Variants in SUSD1 observed in about 807,000 individuals in gnomAD.
The protein encoded by SUSD1 is sushi domain containing 1, also known as sushi domain-containing protein 1.
In SUSD1, 65 loss-of-function variants were observed where a neutral mutation model predicts 86.9. That is an observed-to-expected ratio of 0.75 (90% CI 0.61 to 0.92). The LOEUF is 0.92. Ranked by LOEUF, SUSD1 falls within the 40% of genes least tolerant of loss-of-function variation. The pLI, the probability that SUSD1 is intolerant of heterozygous loss-of-function variation, is 0.00. For missense variants in SUSD1, 850 were observed against 929.7 expected, an observed-to-expected ratio of 0.91 and a Z score of 1.11; for synonymous variants, 346 against 350.0, an observed-to-expected ratio of 0.99 and a Z score of 0.13.
chr9:112,106,079 TC>T (rs1830827336), intron 8 of SUSD1, among the ~76,000 whole-genome samples: 1 of 152,136 alleles, frequency 6.6e-6, no homozygotes, highest in African/African-American at 2.4e-5. Flanking sequence ...AAGCTCTGCC[TC>T]CCATGTTCAA....
At chr9:112,097,444 G>A (rs1257460052) in intron 10 of SUSD1, among the ~76,000 whole-genome samples, 2 of 129,962 alleles carry the variant, frequency 1.5e-5, no homozygotes, top group Non-Finnish European at 3.1e-5. Flanking sequence ...TGTTGCCCAA[G>A]CTAGAGTGCA....
intron 11 of SUSD1, among the ~76,000 whole-genome samples, chr9:112,079,473 T>G (rs1829671271): frequency 6.6e-6 from 1 of 152,034 alleles, no homozygotes; most frequent in Non-Finnish European, 1.5e-5. Flanking sequence ...CTGAGAACAG[T>G]TTTTCTCCTC....
chr9:112,115,814 A>AAAAAAAAAAG (rs1554766264), intron 6 of SUSD1, among the ~76,000 whole-genome samples: 36 of 19,240 alleles, frequency 1.9e-3, no homozygotes, highest in African/African-American at 6.7e-3. Context: ...ATTGCAAAAA[A>AAAAAAAAAAG]AAAAAAAAAG....
chr9:112,060,103 C>T (rs1057334913), intron 13 of SUSD1, among the ~76,000 whole-genome samples: 1 of 152,130 alleles, frequency 6.6e-6, no homozygotes, highest in Admixed American at 6.5e-5. Flanking sequence ...GAACTTCCTG[C>T]TTCACATGTC....
intron 2 of SUSD1, among the ~76,000 whole-genome samples, chr9:112,154,979 G>A (rs1207254077): frequency 7.9e-5 from 12 of 152,010 alleles, no homozygotes; most frequent in African/African-American, 2.2e-4. Flanking sequence ...GGCCAGGTGC[G>A]GTGGCTCACG....
intron 5 of SUSD1, among the ~76,000 whole-genome samples, chr9:112,134,734 GC>G (rs1037392819): frequency 1.3e-5 from 2 of 151,092 alleles, no homozygotes; most frequent in Non-Finnish European, 2.9e-5. Flanking sequence ...TTGCACATGT[GC>G]CCCCTGAATC....
At chr9:112,080,409 C>T (rs1007639374) in intron 10 of SUSD1, among the ~76,000 whole-genome samples, 3 of 151,948 alleles carry the variant, frequency 2.0e-5, no homozygotes, top group Non-Finnish European at 2.9e-5. Context: ...TTGAGTGGGC[C>T]GGGCACAGTG....
At chr9:112,059,783 A>C (rs1422178126) in intron 13 of SUSD1, among the ~76,000 whole-genome samples, 5 of 152,186 alleles carry the variant, frequency 3.3e-5, no homozygotes, top group Non-Finnish European at 7.4e-5. Context: ...AATGAATCAC[A>C]CTTCCCTTCT....
At chr9:112,139,774 T>TA (rs75847784) in intron 5 of SUSD1, among the ~76,000 whole-genome samples, 48 of 148,838 alleles carry the variant, frequency 3.2e-4, no homozygotes, top group Non-Finnish European at 5.1e-4. Context: ...TATTTCCAAT[T>TA]AAAAAAAAAA....
chr9:112,044,577 T>G (rs1827876962), intron 15 of SUSD1, among the ~76,000 whole-genome samples: 1 of 152,218 alleles, frequency 6.6e-6, no homozygotes, highest in African/African-American at 2.4e-5. Context: ...AATGATAAAT[T>G]TTTCATAACC....
chr9:112,119,204 A>G (rs530235372), intron 6 of SUSD1, among the ~76,000 whole-genome samples: 4 of 152,354 alleles, frequency 2.6e-5, no homozygotes, highest in African/African-American at 9.6e-5. Flanking sequence ...TCGAGCATTA[A>G]GGTCCCTAGC....
At chr9:112,063,177 G>A in intron 12 of SUSD1, 144 bp from the exon 13 acceptor site, 1 of 492,366 alleles carries the variant, frequency 2.0e-6, no homozygotes, top group Non-Finnish European at 3.7e-6. Context: ...CAATGTGGAA[G>A]AACATGCTAA....
rs111264911 is a variant in SUSD1, at chr9:112,125,138, G to GA, written c.707-703dup. On this transcript the variant is annotated intron_variant, in intron 5 of 16. Transcript: ENST00000374270. ...AAATCGATCCGTTTATCTTTTCTGG[G>GA]AAAAAAAAATCGAAAAAATGAATCA... Among the ~76,000 whole-genome samples, 1,143 of 150,582 alleles carry GA rather than the reference G, an allele frequency of 7.6e-3. 24 individuals are homozygous for GA. Among genetic ancestry groups the GA allele is most frequent in the African/African-American group, 0.027 (1,096 of 41,036 alleles).
intron 4 of SUSD1, among the ~76,000 whole-genome samples, chr9:112,142,863 A>G (rs1206819380): frequency 6.7e-6 from 1 of 150,042 alleles, no homozygotes; most frequent in Non-Finnish European, 1.5e-5. Flanking sequence ...AGATGCAGGG[A>G]CCTTACCAAA....
In SUSD1 at chr9:112,152,751, CTTTTTTTTTTT is replaced by C. The variant is rs71382410; in HGVS notation, c.218-3363_218-3353del. Among the ~76,000 whole-genome samples, 5 of 87,478 alleles carry C rather than the reference CTTTTTTTTTTT, an allele frequency of 5.7e-5. No individual in the cohort carries two copies. In the Admixed American group the frequency reaches 7.8e-4, roughly 14 times the overall value. 57.4% of individuals were successfully genotyped at this position (87,478 alleles called of 152,430 possible). On this transcript the variant is annotated intron_variant, in intron 2 of 16. Coordinates refer to ENST00000374270, the MANE Select transcript of SUSD1 (RefSeq NM_022486.5). Reference sequence around the variant, plus strand: ...TTTTTCTTCTATTATTTTTTTTAATCTTTTTTTTTTTTTTTTTTTTGTAAACAGGGTCTTGC... The same window carrying C: ...TTTTTCTTCTATTATTTTTTTTAATCTTTTTTTTTGTAAACAGGGTCTTGC...
At chr9:112,098,754 G>C in intron 9 of SUSD1, 92 bp from the exon 10 acceptor site, 1 of 1,204,136 alleles carries the variant, frequency 8.3e-7, no homozygotes, top group South Asian at 1.4e-5. Context: ...AAACAAGAAA[G>C]TTCCTTTTAT....
chr9:112,161,151 G>A (rs919539119), intron 1 of SUSD1, among the ~76,000 whole-genome samples: 5 of 152,226 alleles, frequency 3.3e-5, no homozygotes, highest in Admixed American at 6.5e-5. Context: ...GCTGAGGCAG[G>A]TGGATCACTC....
At position 112,097,655 on chromosome 9, in the gene SUSD1, T is replaced by G. The variant is rs565344769; in HGVS notation, c.1474+815A>C. Among the ~76,000 whole-genome samples, 71 of 152,104 alleles carry G rather than the reference T, an allele frequency of 4.7e-4. 1 individual carries two copies. In the South Asian group the frequency reaches 7.5e-3, roughly 16 times the overall value. On this transcript the variant is annotated intron_variant, in intron 10 of 16. Coordinates refer to ENST00000374270, the MANE Select transcript of SUSD1 (RefSeq NM_022486.5). ...CTCAGGTGATCTGCCAGCCTCGGCC[T>G]CCCAAAGTGCTGGGATTACAGTCGT...
intron 5 of SUSD1, among the ~76,000 whole-genome samples, chr9:112,125,200 AG>A (rs1191942424): frequency 6.6e-6 from 1 of 152,224 alleles, no homozygotes; most frequent in African/African-American, 2.4e-5. Context: ...CAGGGCAGAC[AG>A]GTTTTACAGA....
Sources: gnomAD v4.1 joint callset for allele counts (sites outside exome capture counted in the v4.1 genomes callset) on GRCh38, gnomAD v4.1.1 for gene constraint, MANE v1.5 for transcripts, NCBI Gene and HGNC (gene_info 2026-07-23, HGNC 2026-07-21) for gene names.